TRIO: variants seen among roughly 807,000 people sequenced by gnomAD.
TRIO encodes the protein trio Rho guanine nucleotide exchange factor, also known as triple functional domain protein.
A neutral mutation model predicts 351.9 loss-of-function variants in TRIO; 58 were observed. The observed-to-expected ratio is 0.16, with a 90% CI of 0.13 to 0.21. The LOEUF is 0.21. Among genes scored for constraint, TRIO ranks in the 10% least tolerant of loss-of-function variants. The probability of loss-of-function intolerance (pLI) is 1.00; values close to 1 mark genes in which losing one functional copy is unlikely to be tolerated. For synonymous variants in TRIO, 1,758 were observed against 1,595.7 expected (o/e 1.10, Z -2.42); for missense variants, 3,201 against 4,027.8 (o/e 0.79, Z 5.56).
chr5:14,279,951 G>T (rs543367747), intron 2 of TRIO, among the ~76,000 whole-genome samples: 1 of 152,192 alleles, frequency 6.6e-6, no homozygotes, highest in Admixed American at 6.5e-5. Context: ...GGAAAAATGT[G>T]GGGGAGACTG....
intron 1 of TRIO, among the ~76,000 whole-genome samples, chr5:14,157,146 C>A (rs1231131386): frequency 4.6e-5 from 7 of 152,146 alleles, no homozygotes. Context: ...AAGCTGAGTT[C>A]ATGTGTTGGA....
rs556347450 is a variant in TRIO at position 14,413,529 on chromosome 5, C to T, written c.4960-6249C>T. The stretch of plus-strand genomic sequence containing the variant: ...GCTCTGAGTGATGGGTTCCGTGTGA[C>T]GTCTGCTTCCTTCTTTTACTCATCT... On this transcript the variant is annotated intron_variant, in intron 33 of 56. Coordinates refer to ENST00000344204, the MANE Select transcript of TRIO (RefSeq NM_007118.4). Among the ~76,000 whole-genome samples the T allele has an allele frequency of 1.6e-4, 25 of 152,368 alleles. No individual in the cohort carries two copies. In the South Asian group the frequency reaches 4.8e-3, roughly 29 times the overall value.
At chr5:14,240,867 T>G (rs1290393977) in intron 1 of TRIO, among the ~76,000 whole-genome samples, 1 of 152,228 alleles carries the variant, frequency 6.6e-6, no homozygotes, top group Non-Finnish European at 1.5e-5. Context: ...TGAGATGGTA[T>G]TCATTAAAAC....
intron 11 of TRIO, among the ~76,000 whole-genome samples, chr5:14,356,645 A>T (rs1305824783): frequency 6.6e-6 from 1 of 152,244 alleles, no homozygotes; most frequent in Non-Finnish European, 1.5e-5. Flanking sequence ...GAAGGAAATC[A>T]TAAGTTCATA....
At chr5:14,454,678 AC>A (rs1045567545) in intron 34 of TRIO, among the ~76,000 whole-genome samples, 3 of 152,206 alleles carry the variant, frequency 2.0e-5, no homozygotes, top group African/African-American at 7.2e-5. Context: ...GTAGTTAGAA[AC>A]AACCAGACAT....
chr5:14,443,402 G>T (rs1240637253), intron 34 of TRIO, among the ~76,000 whole-genome samples: 1 of 152,168 alleles, frequency 6.6e-6, no homozygotes, highest in Admixed American at 6.5e-5. Context: ...CCTGAATGCT[G>T]TTATATCAGA....
chr5:14,369,176 T>C lies in TRIO; in HGVS notation c.3067-198T>C, dbSNP rs144107461. Among the ~76,000 whole-genome samples, 679 of 152,328 alleles carry C rather than the reference T, an allele frequency of 4.5e-3. 2 individuals carry two copies. The highest frequency in any genetic ancestry group is 6.8e-3 in the Middle Eastern group (2 of 294). ...AGAGACAGGATATTTGCTTTGGTTT[T>C]GTTCTCGCTCTGAAAAGTCTGCCTG... On this transcript the variant is annotated intron_variant, in intron 17 of 56. Coordinates refer to ENST00000344204, the MANE Select transcript of TRIO (RefSeq NM_007118.4).
intron 1 of TRIO, among the ~76,000 whole-genome samples, chr5:14,269,605 G>A (rs147182758): frequency 6.6e-6 from 1 of 152,218 alleles, no homozygotes; most frequent in African/African-American, 2.4e-5. Context: ...TGTGTACCCA[G>A]GGTCATTTCC....
Position 14,286,997 on chromosome 5 carries a change from C to G in TRIO, c.474C>G (p.Ile158Met). The G allele has an allele frequency of 1.2e-6, 2 of 1,614,210 alleles. No individual in the cohort carries two copies. Among genetic ancestry groups the G allele is most frequent in the Non-Finnish European group, 1.7e-6 (2 of 1,180,040 alleles). ...SFPCCIHVAL[I>M]IKPDNFWQKQ... ...CCTGCTGCATCCATGTGGCCCTGAT[C>G]ATCAAGCCAGACAACTTCTGGCAGA... is the stretch of plus-strand genomic sequence containing the variant. The change falls in exon 4 of 57, where the codon ATC becomes ATG. Residue 158 changes from isoleucine (I) to methionine (M), a missense_variant. Coordinates refer to ENST00000344204, the MANE Select transcript of TRIO (RefSeq NM_007118.4). This position sits in a 1 kb window ranked among gnomAD's most constrained non-coding sequence, Gnocchi z 4.4.
intron 15 of TRIO, among the ~76,000 whole-genome samples, chr5:14,366,176 C>T (rs1263351637): frequency 6.6e-6 from 1 of 151,944 alleles, no homozygotes; most frequent in Admixed American, 6.5e-5. Context: ...TGGGAGAGGG[C>T]TTAGACAATA....
chr5:14,305,701 G>C (rs139927063), intron 8 of TRIO, among the ~76,000 whole-genome samples: 12 of 152,182 alleles, frequency 7.9e-5, no homozygotes, highest in African/African-American at 2.7e-4. Context: ...TCACTGCCCA[G>C]CTGTCACTCT....
chr5:14,186,097 C>G (rs924170733), intron 1 of TRIO, among the ~76,000 whole-genome samples: 5 of 152,172 alleles, frequency 3.3e-5, no homozygotes, highest in African/African-American at 1.2e-4. Context: ...TGACTAGATT[C>G]ATGGGACTAT....
rs768176704 is a variant in TRIO at position 14,487,478 on chromosome 5, A to G, written c.6850A>G (p.Ile2284Val). 5 of 1,091,840 alleles carry G rather than the reference A, an allele frequency of 4.6e-6. No homozygotes were observed. The highest frequency in any genetic ancestry group is 6.8e-5 in the East Asian group (1 of 14,804). The allele number at this position is 1,091,840 out of a possible 1,614,324, so 67.6% of individuals were successfully genotyped here. A position where few individuals can be genotyped will look rare whatever the true frequency, so the allele number is the denominator to read the frequency against. ...RNFLNALTSP[I>V]EYQRNHSGGG... is the part of the protein sequence containing the mutation. ...TTGTCTTACAGCCTTGACATCGCCA[A>G]TCGAGTACCAGAGGAACCACAGCGG... Residue 2284 changes from isoleucine to valine, a missense_variant, in exon 48 of 57, where the codon ATC becomes GTC. By Grantham distance (29) the Ile-to-Val change is conservative. This residue lies in a region of TRIO where 1,089 missense variants were observed against 954.9 expected (regional missense o/e 1.14). Coordinates refer to ENST00000344204, the MANE Select transcript of TRIO (RefSeq NM_007118.4).
chr5:14,269,040 G>C (rs1419934392), intron 1 of TRIO, among the ~76,000 whole-genome samples: 1 of 152,184 alleles, frequency 6.6e-6, no homozygotes, highest in Non-Finnish European at 1.5e-5. Context: ...TTGGTGGGTT[G>C]CCAGCACAAA....
At chr5:14,351,011 C>T (rs1010382442) in intron 11 of TRIO, among the ~76,000 whole-genome samples, 1 of 152,158 alleles carries the variant, frequency 6.6e-6, no homozygotes, top group Non-Finnish European at 1.5e-5. Flanking sequence ...CTGTGAGAAT[C>T]TAATGCCGCT....
intron 53 of TRIO, among the ~76,000 whole-genome samples, chr5:14,500,525 C>G (rs1757213304): frequency 6.6e-6 from 1 of 152,158 alleles, no homozygotes; most frequent in Non-Finnish European, 1.5e-5. Context: ...GGTGCAGGCC[C>G]CCAAACTGTG....
intron 1 of TRIO, among the ~76,000 whole-genome samples, chr5:14,222,796 G>A (rs1792729717): frequency 6.6e-6 from 1 of 152,148 alleles, no homozygotes; most frequent in African/African-American, 2.4e-5. Flanking sequence ...GAATCCTGAA[G>A]CCCCAGTTGA....
intron 47 of TRIO, 25 bp from the exon 48 acceptor site, chr5:14,487,439 T>C (rs1756010002): frequency 2.7e-6 from 3 of 1,095,478 alleles, no homozygotes; most frequent in Non-Finnish European, 3.4e-6. Flanking sequence ...CCTGACCCAG[T>C]CTCTCCCGCT....
At chr5:14,481,512 CT>C (rs1554087124) in intron 44 of TRIO, 28 bp from the exon 45 acceptor site, 1 of 1,612,392 alleles carries the variant, frequency 6.2e-7, no homozygotes, top group Non-Finnish European at 8.5e-7. Flanking sequence ...GGAACTTGAG[CT>C]TTCACTCTTC....
Sources: allele counts gnomAD v4.1 joint callset (sites outside exome capture counted in the v4.1 genomes callset), GRCh38; gene constraint gnomAD v4.1.1; regional missense constraint gnomAD v4.1.1; non-coding constraint Gnocchi (gnomAD v3.1); transcripts MANE v1.5; gene names NCBI Gene and HGNC (gene_info 2026-07-23, HGNC 2026-07-21).